Variants in KCNC1 observed in about 807,000 individuals in gnomAD.
The protein encoded by KCNC1 is voltage-gated potassium channel KCNC1.
Under a neutral mutation model 43.4 loss-of-function variants are expected in KCNC1, and 8 were observed. The ratio of observed to expected loss-of-function variants is 0.18; its 90% confidence interval spans 0.11 to 0.33. KCNC1 has a LOEUF of 0.33. KCNC1 is among the 10% of genes least tolerant of loss of function. The pLI, the probability that KCNC1 is intolerant of heterozygous loss-of-function variation, is 1.00. For synonymous variants in KCNC1, 361 were observed against 360.5 expected, an observed-to-expected ratio of 1.00 and a Z score of -0.01; for missense variants, 420 against 836.0, an observed-to-expected ratio of 0.50 and a Z score of 6.14.
Position 17,773,054 on chromosome 11 carries a change from A to C in KCNC1, c.1504+456A>C, listed in dbSNP as rs1367229695. ...CCATGGCTCCCTTCAGGCTGTGTAGATGGCAGAGATGGTGCATGGGATCTG... is the reference window on the plus strand; with the variant it reads ...CCATGGCTCCCTTCAGGCTGTGTAGCTGGCAGAGATGGTGCATGGGATCTG... On this transcript the variant is annotated intron_variant, in intron 2 of 3. Coordinates refer to ENST00000265969, the MANE Select transcript of KCNC1 (RefSeq NM_001112741.2). The surrounding 1 kb of genome is among the most constrained non-coding windows in gnomAD (Gnocchi z 4.1). 173 of 1,012,212 alleles carry C rather than the reference A, an allele frequency of 1.7e-4. No individual in the cohort carries two copies. The highest frequency in any genetic ancestry group is 2.0e-4 in the Non-Finnish European group (168 of 846,896). The allele number at this position is 1,012,212 out of a possible 1,614,324, so 62.7% of individuals were successfully genotyped here. A position where few individuals can be genotyped will look rare whatever the true frequency, so the allele number is the denominator to read the frequency against.
At chr11:17,753,751 C>G (rs757277625) in intron 1 of KCNC1, among the ~76,000 whole-genome samples, 5 of 152,216 alleles carry the variant, frequency 3.3e-5, no homozygotes, top group Non-Finnish European at 5.9e-5. Flanking sequence ...GCCTGAGTCT[C>G]TCCTCACCTT....
intron 1 of KCNC1, among the ~76,000 whole-genome samples, chr11:17,747,634 G>C (rs1848914979): frequency 6.6e-6 from 1 of 152,200 alleles, no homozygotes; most frequent in African/African-American, 2.4e-5. Context: ...CGCCAGCCTG[G>C]GTGGGGACGA....
intron 2 of KCNC1, chr11:17,772,808 C>A: frequency 6.9e-7 from 1 of 1,441,152 alleles, no homozygotes. Flanking sequence ...TCACTGGTGC[C>A]CCTGGGTAAG....
At chr11:17,752,114 T>C (rs1352692690) in intron 1 of KCNC1, among the ~76,000 whole-genome samples, 1 of 152,200 alleles carries the variant, frequency 6.6e-6, no homozygotes, top group Admixed American at 6.5e-5. Flanking sequence ...TTCTAATTGC[T>C]TGTGGACCAG....
chr11:17,749,518 A>G (rs1455586639), intron 1 of KCNC1, among the ~76,000 whole-genome samples: 1 of 152,234 alleles, frequency 6.6e-6, no homozygotes, highest in African/African-American at 2.4e-5. Context: ...CCTCATCACC[A>G]GAGCAGGGCA....
intron 1 of KCNC1, among the ~76,000 whole-genome samples, chr11:17,765,020 G>A (rs966216393): frequency 6.6e-6 from 1 of 152,188 alleles, no homozygotes; most frequent in African/African-American, 2.4e-5. Context: ...GGGGCCTGGG[G>A]CCTGGATGTC....
rs1166690169 is a variant in KCNC1, at chr11:17,779,441, C to T, written c.1505-15C>T. On this transcript the variant is annotated splice_polypyrimidine_tract_variant and intron_variant, in intron 2 of 3. Transcript: ENST00000265969. The surrounding 1 kb of genome is among the most constrained non-coding windows in gnomAD (Gnocchi z 7.2). Reference sequence around the variant, plus strand: ...GTTTTCAGTGTCTCAATAGCTTCTGCTTATATGTTTGAAGATTCCAAACTG... The same window carrying T: ...GTTTTCAGTGTCTCAATAGCTTCTGTTTATATGTTTGAAGATTCCAAACTG... The T allele has an allele frequency of 6.5e-7, 1 of 1,531,572 alleles. No individual in the cohort carries two copies. The highest frequency in any genetic ancestry group is 2.5e-5 in the East Asian group (1 of 40,264). The allele number at this position is 1,531,572 out of a possible 1,614,324, so 94.9% of individuals were successfully genotyped here. A position where few individuals can be genotyped will look rare whatever the true frequency, so the allele number is the denominator to read the frequency against.
intron 1 of KCNC1, among the ~76,000 whole-genome samples, chr11:17,738,416 C>A (rs1411686743): frequency 6.6e-6 from 1 of 152,196 alleles, no homozygotes; most frequent in Non-Finnish European, 1.5e-5. Flanking sequence ...GCTGCCCATT[C>A]AGCCCACACT....
chr11:17,770,140 G>A (rs552696935), intron 1 of KCNC1, among the ~76,000 whole-genome samples: 37 of 152,362 alleles, frequency 2.4e-4, no homozygotes, highest in Non-Finnish European at 1.0e-4. Flanking sequence ...CCCCCTGGGT[G>A]GGGGAGGGGC....
chr11:17,773,442 C>T lies in KCNC1; in HGVS notation c.1504+844C>T. 1.0e-6 allele frequency: 1 copy of T among 985,102 alleles called. No individual in the cohort carries two copies. The highest frequency in any genetic ancestry group is 1.7e-5 in the African/African-American group (1 of 57,212). 61.0% of individuals were successfully genotyped at this position (985,102 alleles called of 1,614,324 possible). ...CTGGGCAGCTTAGATGAAAGCGCTA[C>T]AGACCAGCAACAGCCTCCCACCGAG... On this transcript the variant is annotated intron_variant, in intron 2 of 3. Coordinates refer to ENST00000265969, the MANE Select transcript of KCNC1 (RefSeq NM_001112741.2). The surrounding 1 kb of genome is among the most constrained non-coding windows in gnomAD (Gnocchi z 4.1).
rs1848809735 is a variant in KCNC1, at chr11:17,739,362, CG to C, written c.570+2791del. Among the ~76,000 whole-genome samples the C allele has an allele frequency of 2.7e-5, 4 of 149,478 alleles. No homozygotes were observed. Among genetic ancestry groups the C allele is most frequent in the African/African-American group, 9.9e-5 (4 of 40,266 alleles). ...GTGAGAATAAATGTGAGACTCCAGG[CG>C]TGTGTGTGTGTGTGTGTGTGTGTGT... On this transcript the variant is annotated intron_variant, in intron 1 of 3. Coordinates refer to ENST00000265969, the MANE Select transcript of KCNC1 (RefSeq NM_001112741.2). The surrounding 1 kb of genome is among the most constrained non-coding windows in gnomAD (Gnocchi z 4.2).
At chr11:17,748,553 T>A (rs1848928609) in intron 1 of KCNC1, among the ~76,000 whole-genome samples, 1 of 152,204 alleles carries the variant, frequency 6.6e-6, no homozygotes, top group Non-Finnish European at 1.5e-5. Flanking sequence ...CCATTATGCA[T>A]GTAATGCCCA....
chr11:17,741,175 C>T (rs1848836644), intron 1 of KCNC1, among the ~76,000 whole-genome samples: 1 of 151,914 alleles, frequency 6.6e-6, no homozygotes, highest in Non-Finnish European at 1.5e-5. Flanking sequence ...TCCCATGATC[C>T]TTGTATGGGG....
chr11:17,764,828 C>T (rs111919033), intron 1 of KCNC1, among the ~76,000 whole-genome samples: 1 of 152,200 alleles, frequency 6.6e-6, no homozygotes, highest in Non-Finnish European at 1.5e-5. Context: ...TGAGCATTCC[C>T]GGCCCGCGGA....
chr11:17,748,155 C>A (rs1480372604), intron 1 of KCNC1, among the ~76,000 whole-genome samples: 3 of 152,140 alleles, frequency 2.0e-5, no homozygotes, highest in African/African-American at 7.2e-5. Context: ...GAGCCCAGGG[C>A]GCACTGGAGT....
At chr11:17,741,259 C>T (rs1040150868) in intron 1 of KCNC1, among the ~76,000 whole-genome samples, 2 of 144,688 alleles carry the variant, frequency 1.4e-5, no homozygotes, top group Non-Finnish European at 3.0e-5. Flanking sequence ...AACCAAGCGC[C>T]TCCTGGTCAG....
chr11:17,744,932 C>T (rs1468139343), intron 1 of KCNC1, among the ~76,000 whole-genome samples: 1 of 152,112 alleles, frequency 6.6e-6, no homozygotes, highest in African/African-American at 2.4e-5. Context: ...ACAGCTGAGG[C>T]CACTGCTGAG....
chr11:17,777,665 A>G lies in KCNC1; in HGVS notation c.1505-1791A>G. The G allele has an allele frequency of 1.0e-6, 1 of 985,910 alleles. No homozygotes were observed. Among genetic ancestry groups the G allele is most frequent in the Non-Finnish European group, 1.2e-6 (1 of 829,952 alleles). 61.1% of individuals were successfully genotyped at this position (985,910 alleles called of 1,614,324 possible). A position where few individuals can be genotyped will look rare whatever the true frequency, so the allele number is the denominator to read the frequency against. Reference sequence around the variant, plus strand: ...CCTTGGCAACTGGCCTTTTTGGTTCAGAGTAAATTGGGAAGTGAAGCCCCT... The same window carrying G: ...CCTTGGCAACTGGCCTTTTTGGTTCGGAGTAAATTGGGAAGTGAAGCCCCT... On this transcript the variant is annotated intron_variant, in intron 2 of 3. Coordinates refer to ENST00000265969, the MANE Select transcript of KCNC1 (RefSeq NM_001112741.2). This position sits in a 1 kb window ranked among gnomAD's most constrained non-coding sequence, Gnocchi z 4.3.
In KCNC1 at chr11:17,735,448, G is replaced by A. The variant is rs1161316637; in HGVS notation, c.-555G>A. ...CCCCGCGCCGAGAGCGCGCCGCGGC[G>A]ACCACCTCACAGAGGAGCGCGAATT... On this transcript the variant is annotated 5_prime_UTR_variant, in exon 1 of 4. Coordinates refer to ENST00000265969, the MANE Select transcript of KCNC1 (RefSeq NM_001112741.2). The surrounding 1 kb of genome is among the most constrained non-coding windows in gnomAD (Gnocchi z 6.7). The A allele has an allele frequency of 3.3e-5, 5 of 152,212 alleles. 1 individual carries two copies. In the Middle Eastern group the frequency reaches 0.014, roughly 411 times the overall value. 9.4% of individuals were successfully genotyped at this position (152,212 alleles called of 1,614,324 possible). A position where few individuals can be genotyped will look rare whatever the true frequency, so the allele number is the denominator to read the frequency against.
Sources: gnomAD v4.1 joint callset for allele counts (sites outside exome capture counted in the v4.1 genomes callset) on GRCh38, gnomAD v4.1.1 for gene constraint, Gnocchi (gnomAD v3.1) non-coding constraint, MANE v1.5 for transcripts, NCBI Gene and HGNC (gene_info 2026-07-23, HGNC 2026-07-21) for gene names.